Variants in KDM5A observed in about 807,000 individuals in gnomAD.
KDM5A encodes the protein lysine-specific demethylase 5A.
Under a neutral mutation model 193.5 loss-of-function variants are expected in KDM5A, and 42 were observed. That is an observed-to-expected ratio of 0.22 (90% CI 0.17 to 0.28). KDM5A has a LOEUF of 0.28. KDM5A is among the 10% of genes least tolerant of loss of function. KDM5A has a pLI of 1.00. For missense variants in KDM5A, 1,692 were observed against 2,055.1 expected, an observed-to-expected ratio of 0.82 and a Z score of 3.42; for synonymous variants, 796 against 718.1, an observed-to-expected ratio of 1.11 and a Z score of -1.73.
intron 24 of KDM5A, among the ~76,000 whole-genome samples, chr12:305,083 C>T (rs1943488555): frequency 6.6e-6 from 1 of 152,146 alleles, no homozygotes; most frequent in South Asian, 2.1e-4. Flanking sequence ...TTTCAGCAGA[C>T]TGCCAATGAA....
chr12:307,139 A>AT lies in KDM5A; in HGVS notation c.3931-51_3931-50insA, dbSNP rs1234996686. On this transcript the variant is annotated intron_variant, in intron 23 of 27. Coordinates refer to ENST00000399788, the MANE Select transcript of KDM5A (RefSeq NM_001042603.3). This position sits in a 1 kb window ranked among gnomAD's most constrained non-coding sequence, Gnocchi z 4.3. The stretch of plus-strand genomic sequence containing the variant: ...GAACAGCAAGACATGCTAAACAGAC[A>AT]GGGTAATTAATGTGTGCTTAAGATC... 1 of 1,608,898 alleles carries AT rather than the reference A, an allele frequency of 6.2e-7. No homozygotes were observed. The highest frequency in any genetic ancestry group is 8.5e-7 in the Non-Finnish European group (1 of 1,175,876).
At chr12:295,515 T>G in intron 26 of KDM5A, 58 bp downstream of exon 26, 1 of 1,503,792 alleles carries the variant, frequency 6.6e-7, no homozygotes, top group Non-Finnish European at 9.3e-7. Flanking sequence ...ATGATACCTC[T>G]AAGGAACCTA....
chr12:379,184 AC>A (rs1211636873), intron 3 of KDM5A, among the ~76,000 whole-genome samples: 2 of 151,862 alleles, frequency 1.3e-5, no homozygotes, highest in Non-Finnish European at 2.9e-5. Context: ...TAAAAAAAAA[AC>A]TTAATAGATG....
chr12:326,426 A>G (rs1420753520), intron 14 of KDM5A, among the ~76,000 whole-genome samples: 2 of 152,218 alleles, frequency 1.3e-5, no homozygotes, highest in South Asian at 2.1e-4. Flanking sequence ...TGTTGGGGAT[A>G]TAAGGAGAAA....
At chr12:350,596 A>G (rs775275023) in intron 10 of KDM5A, 25 bp downstream of exon 10, 1 of 1,613,726 alleles carries the variant, frequency 6.2e-7, no homozygotes, top group South Asian at 1.1e-5. Context: ...CTTGGGGGTA[A>G]GCAAAAGTTT....
At position 355,409 on chromosome 12, in the gene KDM5A, G is replaced by A. The variant is rs140735772; in HGVS notation, c.779-160C>T. ...ATCTCTCACTGAAGATGAAGAACCT[G>A]AGGTACAGCAAAGTTAGTAACTTGC... On this transcript the variant is annotated intron_variant, in intron 6 of 27. Transcript: ENST00000399788. Among the ~76,000 whole-genome samples, 35 of 152,286 alleles carry A rather than the reference G, an allele frequency of 2.3e-4. No homozygotes were observed. In the East Asian group the frequency reaches 4.4e-3, roughly 19 times the overall value.
At chr12:320,871 C>T in intron 18 of KDM5A, 124 bp downstream of exon 18, 1 of 756,790 alleles carries the variant, frequency 1.3e-6, no homozygotes, top group Non-Finnish European at 2.4e-6. Context: ...CAAATAGCAG[C>T]ATATATGTGA....
At chr12:286,001 A>C (rs1943216160) in intron 27 of KDM5A, 1 of 425,522 alleles carries the variant, frequency 2.4e-6, no homozygotes, top group Non-Finnish European at 4.4e-6. Context: ...TAATATTAAC[A>C]ATTTCTAGGC....
intron 3 of KDM5A, among the ~76,000 whole-genome samples, chr12:368,859 G>A (rs1433000707): frequency 1.3e-5 from 2 of 152,080 alleles, no homozygotes; most frequent in Admixed American, 6.6e-5. Context: ...CTACTGTGAG[G>A]ACAAATAAAA....
At chr12:367,848 T>C (rs1944376699) in intron 3 of KDM5A, among the ~76,000 whole-genome samples, 1 of 151,476 alleles carries the variant, frequency 6.6e-6, no homozygotes, top group Admixed American at 6.6e-5. Flanking sequence ...GCTGATCCTG[T>C]CTCAAGTGAC....
Position 329,042 on chromosome 12 carries a change from T to A in KDM5A, c.1774-13A>T. The A allele has an allele frequency of 6.2e-7, 1 of 1,612,420 alleles. No homozygotes were observed. The highest frequency in any genetic ancestry group is 1.6e-4 in the Middle Eastern group (1 of 6,062). On this transcript the variant is annotated splice_polypyrimidine_tract_variant and intron_variant, in intron 13 of 27. Transcript: ENST00000399788. ...GTCCAATGGGCAACTGAAAATGAGA[T>A]TTCCAAATTAAATAACTCGCTTATA...
At position 282,468 on chromosome 12, in the gene KDM5A, A is replaced by T; in HGVS notation, c.*2988T>A. ...TAGTGAGGAAGTCATGCATCTACAC[A>T]TCAACATGGCTTTGCTGCAGTACCT... is the stretch of plus-strand genomic sequence containing the variant. On this transcript the variant is annotated 3_prime_UTR_variant, in exon 28 of 28. Coordinates refer to ENST00000399788, the MANE Select transcript of KDM5A (RefSeq NM_001042603.3). The T allele has an allele frequency of 4.3e-6, 1 of 233,272 alleles. No individual in the cohort carries two copies. Among genetic ancestry groups the T allele is most frequent in the Non-Finnish European group, 8.5e-6 (1 of 118,008 alleles). 14.5% of individuals were successfully genotyped at this position (233,272 alleles called of 1,614,324 possible). A position where few individuals can be genotyped will look rare whatever the true frequency, so the allele number is the denominator to read the frequency against.
intron 10 of KDM5A, among the ~76,000 whole-genome samples, chr12:341,356 A>G (rs866072140): frequency 6.6e-6 from 1 of 152,292 alleles, no homozygotes; most frequent in African/African-American, 2.4e-5. Flanking sequence ...ATCCCCATAT[A>G]ATCTAGGTTC....
At chr12:354,441 T>C (rs1471695252) in intron 7 of KDM5A, among the ~76,000 whole-genome samples, 1 of 152,064 alleles carries the variant, frequency 6.6e-6, no homozygotes, top group East Asian at 1.9e-4. Context: ...AGCAAGTTAA[T>C]AGCAAGTTAA....
chr12:346,984 T>C (rs1225436053), intron 10 of KDM5A, among the ~76,000 whole-genome samples: 1 of 152,220 alleles, frequency 6.6e-6, no homozygotes, highest in Non-Finnish European at 1.5e-5. Context: ...TTGTCCCTGT[T>C]TGCAGATGAC....
chr12:326,057 T>G (rs780457617), intron 14 of KDM5A, among the ~76,000 whole-genome samples: 5 of 152,096 alleles, frequency 3.3e-5, no homozygotes, highest in Non-Finnish European at 7.3e-5. Flanking sequence ...CACGCTAAGT[T>G]TTTACACGAT....
At chr12:373,612 C>A (rs187598897) in intron 3 of KDM5A, among the ~76,000 whole-genome samples, 1 of 152,014 alleles carries the variant, frequency 6.6e-6, no homozygotes. Context: ...TATTTCTTGC[C>A]TTCTGCTAGC....
At chr12:333,397 C>A in intron 12 of KDM5A, 90 bp downstream of exon 12, 1 of 1,415,788 alleles carries the variant, frequency 7.1e-7, no homozygotes, top group African/African-American at 1.4e-5. Flanking sequence ...CCAGCCTGGG[C>A]AACAGAGCAA....
chr12:283,242 GC>G lies in KDM5A; in HGVS notation c.*2213del, dbSNP rs1376913110. The G allele has an allele frequency of 4.3e-6, 1 of 231,140 alleles. No individual in the cohort carries two copies. Among genetic ancestry groups the G allele is most frequent in the East Asian group, 6.2e-5 (1 of 16,184 alleles). 14.3% of individuals were successfully genotyped at this position (231,140 alleles called of 1,614,324 possible). Reference sequence around the variant, plus strand: ...AGACTGTTACAAAGAAGATCAACAGGCAAAAAATATTGTGCTTTCTTGTATA... The same window carrying G: ...AGACTGTTACAAAGAAGATCAACAGGAAAAAATATTGTGCTTTCTTGTATA... On this transcript the variant is annotated 3_prime_UTR_variant, in exon 28 of 28. Coordinates refer to ENST00000399788, the MANE Select transcript of KDM5A (RefSeq NM_001042603.3).
Sources: allele counts gnomAD v4.1 joint callset (sites outside exome capture counted in the v4.1 genomes callset), GRCh38; gene constraint gnomAD v4.1.1; non-coding constraint Gnocchi (gnomAD v3.1); transcripts MANE v1.5; gene names NCBI Gene and HGNC (gene_info 2026-07-23, HGNC 2026-07-21).